The following TAF3 variants were observed in gnomAD, a reference collection of about 807,000 sequenced individuals.
The protein encoded by TAF3 is transcription initiation factor TFIID subunit 3.
TAF3 carries 7 observed loss-of-function variants against 80.6 expected under a neutral mutation model. The observed-to-expected ratio is 0.09, with a 90% CI of 0.05 to 0.16. The LOEUF is 0.16. Among genes scored for constraint, TAF3 ranks in the 10% least tolerant of loss-of-function variants. TAF3 has a pLI of 1.00. For missense variants in TAF3, 921 were observed against 1,140.2 expected (o/e 0.81, Z 2.77); for synonymous variants, 444 against 446.1 (o/e 1.00, Z 0.06).
At chr10:7,933,615 G>A (rs908763090) in intron 2 of TAF3, among the ~76,000 whole-genome samples, 2 of 152,212 alleles carry the variant, frequency 1.3e-5, no homozygotes, top group Admixed American at 6.5e-5. Context: ...AGTATTCACA[G>A]TGGTGAAGTG....
intron 4 of TAF3, among the ~76,000 whole-genome samples, chr10:7,986,805 GA>G (rs1401268364): frequency 1.3e-5 from 2 of 151,874 alleles, no homozygotes; most frequent in African/African-American, 4.8e-5. Flanking sequence ...AGAAACAGGG[GA>G]AAAAAGGATA....
At chr10:7,944,096 TG>T in intron 2 of TAF3, among the ~76,000 whole-genome samples, 1 of 66,860 alleles carries the variant, frequency 1.5e-5, no homozygotes, top group Non-Finnish European at 4.5e-5. Flanking sequence ...TTCATGCTTG[TG>T]TGTGTGTGTG....
At position 7,824,517 on chromosome 10, in the gene TAF3, A is replaced by G. The variant is rs769030252; in HGVS notation, c.366A>G (p.Glu122=). The part of the protein sequence containing the change: ...PGSKDAEERK[E]YIPDYLPPIV... ...GTAAAGATGCAGAGGAAAGAAAAGA[A>G]TACATTCCTGATTACCTGCCACCCA... Residue 122 remains glutamate (E), a synonymous_variant, in exon 2 of 7, where the codon GAA becomes GAG. Transcript: ENST00000344293. The G allele has an allele frequency of 1.2e-6, 2 of 1,614,198 alleles. No homozygotes were observed. Among genetic ancestry groups the G allele is most frequent in the African/African-American group, 2.7e-5 (2 of 75,064 alleles).
At chr10:7,974,264 A>G (rs904993669) in intron 3 of TAF3, among the ~76,000 whole-genome samples, 2 of 152,090 alleles carry the variant, frequency 1.3e-5, no homozygotes, top group African/African-American at 2.4e-5. Context: ...ACCCTGGACC[A>G]TACTGTCTGC....
chr10:7,923,664 G>A (rs529847117), intron 2 of TAF3, among the ~76,000 whole-genome samples: 1 of 150,914 alleles, frequency 6.6e-6, no homozygotes, highest in African/African-American at 2.4e-5. Context: ...ATAGAGTAGC[G>A]GATACCTGAT....
chr10:7,907,052 C>G (rs111260517), intron 2 of TAF3, among the ~76,000 whole-genome samples: 1,667 of 152,178 alleles, frequency 0.011, 20 homozygotes, highest in Middle Eastern at 0.031. Flanking sequence ...GGACAGTGTT[C>G]GTAGGGCCAC....
At chr10:7,827,697 G>A (rs1357685807) in intron 2 of TAF3, among the ~76,000 whole-genome samples, 17 of 151,732 alleles carry the variant, frequency 1.1e-4, no homozygotes, top group African/African-American at 2.9e-4. Context: ...GGAGAATGGC[G>A]TGAACAGAGG....
chr10:8,010,558 A>G (rs1832044624), intron 5 of TAF3, among the ~76,000 whole-genome samples: 1 of 152,236 alleles, frequency 6.6e-6, no homozygotes, highest in Non-Finnish European at 1.5e-5. Context: ...CTTGCATATT[A>G]AATGGAAATG....
chr10:7,838,212 G>A (rs185947665), intron 2 of TAF3, among the ~76,000 whole-genome samples: 55 of 152,222 alleles, frequency 3.6e-4, no homozygotes, highest in African/African-American at 1.3e-3. Context: ...GCCATGAGTC[G>A]GATCCTACAC....
chr10:7,934,666 A>G (rs916755502), intron 2 of TAF3, among the ~76,000 whole-genome samples: 3 of 152,020 alleles, frequency 2.0e-5, no homozygotes, highest in Admixed American at 1.3e-4. Context: ...ACTGGTCTTG[A>G]ACTCCTGACC....
chr10:7,932,163 A>G lies in TAF3; in HGVS notation c.410-31757A>G, dbSNP rs139211814. On this transcript the variant is annotated intron_variant, in intron 2 of 6. Coordinates refer to ENST00000344293, the MANE Select transcript of TAF3 (RefSeq NM_031923.4). Reference sequence around the variant, plus strand: ...AGTATAGTCACTGTTTTAAAAAGTAAAAGGAGGTGAACATGCTACCTCTAT... The same window carrying G: ...AGTATAGTCACTGTTTTAAAAAGTAGAAGGAGGTGAACATGCTACCTCTAT... Among the ~76,000 whole-genome samples the G allele has an allele frequency of 3.7e-3, 567 of 152,322 alleles. 4 individuals carry two copies. Among genetic ancestry groups the G allele is most frequent in the South Asian group, 0.02 (97 of 4,818 alleles).
intron 2 of TAF3, among the ~76,000 whole-genome samples, chr10:7,888,111 C>T (rs978467368): frequency 2.0e-5 from 3 of 152,208 alleles, no homozygotes; most frequent in South Asian, 2.1e-4. Flanking sequence ...TCATTCTTGT[C>T]GCCTGCAAGC....
rs145110594 is a variant in TAF3 at position 7,859,260 on chromosome 10, C to CAATA, written c.409+34755_409+34758dup. On this transcript the variant is annotated intron_variant, in intron 2 of 6. Transcript: ENST00000344293. ...TGGGCGACAGAGTGAGACTCCATCT[C>CAATA]AATAAATAAATAAATAAATAAATAA... Among the ~76,000 whole-genome samples the CAATA allele has an allele frequency of 9.5e-4, 127 of 134,338 alleles. 1 individual carries two copies. The highest frequency in any genetic ancestry group is 2.2e-3 in the African/African-American group (79 of 35,698). 88.1% of individuals were successfully genotyped at this position (134,338 alleles called of 152,430 possible).
At chr10:7,946,727 C>CAAAAAAAAA (rs60415433) in intron 2 of TAF3, among the ~76,000 whole-genome samples, 10 of 150,640 alleles carry the variant, frequency 6.6e-5, no homozygotes, top group East Asian at 2.0e-4. Context: ...TGGTCTCAAA[C>CAAAAAAAAA]GAAAAAAAAA....
chr10:7,857,368 A>G (rs1053632555), intron 2 of TAF3, among the ~76,000 whole-genome samples: 1 of 152,342 alleles, frequency 6.6e-6, no homozygotes, highest in East Asian at 1.9e-4. Flanking sequence ...AAGTTAGAGC[A>G]GTTTCTTCCC....
intron 2 of TAF3, among the ~76,000 whole-genome samples, chr10:7,825,990 G>A (rs1237676150): frequency 6.6e-6 from 1 of 152,172 alleles, no homozygotes; most frequent in African/African-American, 2.4e-5. Context: ...CCAATTTCTT[G>A]CAATTCATTT....
intron 3 of TAF3, among the ~76,000 whole-genome samples, chr10:7,969,294 T>TA (rs961334331): frequency 2.4e-3 from 350 of 148,698 alleles, no homozygotes; most frequent in Admixed American, 3.8e-3. Context: ...GACCCTGTCT[T>TA]AAAAAAAAAA....
rs1202063255 is a variant in TAF3, at chr10:8,003,252, C to T, written c.2316-5826C>T. On this transcript the variant is annotated intron_variant, in intron 4 of 6. Transcript: ENST00000344293. The stretch of plus-strand genomic sequence containing the variant: ...TATCAGACCAAGGTTTTTTTTTTAT[C>T]GTTCCTTTTTTCCTCATATTATACG... Among the ~76,000 whole-genome samples the T allele has an allele frequency of 8.4e-4, 123 of 147,262 alleles. 2 individuals carry two copies. The highest frequency in any genetic ancestry group is 3.0e-3 in the African/African-American group (118 of 39,998).
chr10:7,932,669 A>ATTTTTTTTTTTTT lies in TAF3; in HGVS notation c.410-31238_410-31226dup, dbSNP rs34907761. Among the ~76,000 whole-genome samples, 9 of 78,820 alleles carry ATTTTTTTTTTTTT rather than the reference A, an allele frequency of 1.1e-4. 1 individual carries two copies. The highest frequency in any genetic ancestry group is 4.0e-4 in the African/African-American group (7 of 17,384). 51.7% of individuals were successfully genotyped at this position (78,820 alleles called of 152,430 possible). A position where few individuals can be genotyped will look rare whatever the true frequency, so the allele number is the denominator to read the frequency against. Reference sequence around the variant, plus strand: ...CTGACGTTGATTTATGTTCCACTTAATTTTTTTTTTTTTTTTTTTTTTTTT... The same window carrying ATTTTTTTTTTTTT: ...CTGACGTTGATTTATGTTCCACTTAATTTTTTTTTTTTTTTTTTTTTTTTTTTTTTTTTTTTTT... On this transcript the variant is annotated intron_variant, in intron 2 of 6. Transcript: ENST00000344293.
Sources: gnomAD v4.1 joint callset for allele counts (sites outside exome capture counted in the v4.1 genomes callset) on GRCh38, gnomAD v4.1.1 for gene constraint, MANE v1.5 for transcripts, NCBI Gene and HGNC (gene_info 2026-07-23, HGNC 2026-07-21) for gene names.